Variants in VIT observed in about 807,000 individuals in gnomAD.
VIT encodes the protein vitrin.
VIT carries 99 observed loss-of-function variants against 78.0 expected under a neutral mutation model. The ratio of observed to expected loss-of-function variants is 1.27; its 90% confidence interval spans 1.08 to 1.50. VIT has a LOEUF of 1.50. Among genes scored for constraint, VIT ranks in the 40% most tolerant of loss-of-function variants. VIT has a pLI of 0.00. For synonymous variants in VIT, 374 were observed against 334.3 expected, an observed-to-expected ratio of 1.12 and a Z score of -1.29; for missense variants, 1,126 against 875.3, an observed-to-expected ratio of 1.29 and a Z score of -3.61.
At chr2:36,704,379 T>G (rs943355422) in intron 1 of VIT, among the ~76,000 whole-genome samples, 3 of 152,146 alleles carry the variant, frequency 2.0e-5, no homozygotes, top group African/African-American at 7.2e-5. Flanking sequence ...AAATGATAGT[T>G]ATTACTATGG....
In VIT at chr2:36,814,460, G is replaced by C. The variant is rs1375785637; in HGVS notation, c.*99G>C. The C allele has an allele frequency of 1.4e-6, 2 of 1,387,152 alleles. No homozygotes were observed. The highest frequency in any genetic ancestry group is 2.4e-5 in the East Asian group (1 of 42,484). 85.9% of individuals were successfully genotyped at this position (1,387,152 alleles called of 1,614,324 possible). A position where few individuals can be genotyped will look rare whatever the true frequency, so the allele number is the denominator to read the frequency against. On this transcript the variant is annotated 3_prime_UTR_variant, in exon 16 of 16. Transcript: ENST00000379242. ...GGCACGCACGGTGCATCAAGTCTTG[G>C]GCAGGGCATGGAGAAACAAATGTCT...
intron 3 of VIT, 27 bp from the exon 4 acceptor site, chr2:36,743,073 A>G: frequency 6.2e-7 from 1 of 1,613,208 alleles, no homozygotes; most frequent in Non-Finnish European, 8.5e-7. Context: ...CACAAGGTGT[A>G]ATTTTGACCT....
In VIT at chr2:36,781,750, G is replaced by C; in HGVS notation, c.826G>C (p.Gly276Arg). The C allele has an allele frequency of 6.2e-7, 1 of 1,614,136 alleles. No homozygotes were observed. ...SLGEMDSWKP[G>R]SVLLDEGLVP... The stretch of plus-strand genomic sequence containing the variant: ...AGGAGAGATGGACTCATGGAAACCT[G>C]GATCGGTCCTTTTAGATGAAGGTAA... Residue 276 changes from glycine to arginine, a missense_variant, in exon 10 of 16, where the codon GGA becomes CGA. Physicochemically the swap from Gly to Arg is moderately radical, Grantham distance 125 (BLOSUM62 -2). Transcript: ENST00000379242.
At chr2:36,788,727 T>C (rs933728291) in intron 12 of VIT, among the ~76,000 whole-genome samples, 16 of 152,218 alleles carry the variant, frequency 1.1e-4, no homozygotes, top group African/African-American at 3.9e-4. Flanking sequence ...ATGCCAAATG[T>C]CCTTAGTCAG....
At chr2:36,777,008 G>C (rs1178868659) in intron 9 of VIT, among the ~76,000 whole-genome samples, 3 of 148,322 alleles carry the variant, frequency 2.0e-5, no homozygotes, top group African/African-American at 4.9e-5. Context: ...AGAATGGCAT[G>C]AACCCAGGAG....
chr2:36,801,329 A>G lies in VIT; in HGVS notation c.1087A>G (p.Lys363Glu). Residue 363 changes from lysine (K) to glutamate (E), a missense_variant, in exon 13 of 16, where the codon AAG (lysine) becomes GAG (glutamate). Physicochemically the swap from Lys to Glu is moderately conservative, Grantham distance 56. Coordinates refer to ENST00000379242, the MANE Select transcript of VIT (RefSeq NM_053276.4). Reference protein sequence around the residue: ...GDNPATHFNLKTHTNSRDLKT... With the variant: ...GDNPATHFNLETHTNSRDLKT... ...CAACCCTGCTACTCACTTTAACCTC[A>G]AGACACACACGAATTCTCGAGATCT... 6.2e-7 allele frequency: 1 copy of G among 1,614,116 alleles called. No homozygotes were observed. Among genetic ancestry groups the G allele is most frequent in the Non-Finnish European group, 8.5e-7 (1 of 1,180,014 alleles).
At chr2:36,739,613 T>C (rs1667711378) in intron 3 of VIT, among the ~76,000 whole-genome samples, 1 of 152,170 alleles carries the variant, frequency 6.6e-6, no homozygotes, top group Non-Finnish European at 1.5e-5. Context: ...CTCTTTTCCC[T>C]GTGGCTAGTT....
intron 15 of VIT, among the ~76,000 whole-genome samples, chr2:36,811,868 G>T (rs186124777): frequency 2.1e-4 from 32 of 152,150 alleles, no homozygotes; most frequent in African/African-American, 7.5e-4. Context: ...TGGAGACGGA[G>T]TTTCACCATG....
chr2:36,743,292 A>T (rs952477102), intron 4 of VIT, 36 bp downstream of exon 4: 1 of 1,533,942 alleles, frequency 6.5e-7, no homozygotes, highest in Non-Finnish European at 8.9e-7. Context: ...ACTAACTAGA[A>T]ATCAGGGTGT....
intron 1 of VIT, among the ~76,000 whole-genome samples, chr2:36,698,153 AT>A (rs34933803): frequency 0.94 from 142,828 of 152,106 alleles, 67,809 homozygotes; most frequent in Middle Eastern, 1. Context: ...AAAGACTTGC[AT>A]TTTTTTATTG....
intron 3 of VIT, among the ~76,000 whole-genome samples, chr2:36,735,857 T>C (rs889192940): frequency 5.9e-5 from 9 of 152,174 alleles, no homozygotes; most frequent in Non-Finnish European, 1.0e-4. Flanking sequence ...GAGTGTTGTC[T>C]TTGCGACACA....
intron 6 of VIT, chr2:36,759,654 A>G (rs1315930302): frequency 1.0e-6 from 1 of 990,388 alleles, no homozygotes; most frequent in East Asian, 1.1e-4. Flanking sequence ...TCCCACACAA[A>G]GAGAAACTGT....
Position 36,814,222 on chromosome 2 carries a change from A to C in VIT, c.1943A>C (p.Gln648Pro). Residue 648 changes from glutamine (Q) to proline (P), a missense_variant, in exon 16 of 16, where the codon CAA becomes CCA. Coordinates refer to ENST00000379242, the MANE Select transcript of VIT (RefSeq NM_053276.4). ...GCGATAGGCGTTGCCTGGGCTGCCC[A>C]AGAGGAGCTAGAAGTCATTGCCACT... ...TYAIGVAWAA[Q>P]EELEVIATHP... 1 of 1,614,240 alleles carries C rather than the reference A, an allele frequency of 6.2e-7. No homozygotes were observed. Among genetic ancestry groups the C allele is most frequent in the Non-Finnish European group, 8.5e-7 (1 of 1,180,044 alleles).
chr2:36,781,025 C>A (rs1664712980), intron 9 of VIT, among the ~76,000 whole-genome samples: 1 of 21,620 alleles, frequency 4.6e-5, no homozygotes, highest in South Asian at 9.3e-3. Flanking sequence ...TTCATTAGCA[C>A]CAGTTTGTGG....
chr2:36,807,795 C>G (rs1666836861), intron 14 of VIT, among the ~76,000 whole-genome samples: 1 of 152,188 alleles, frequency 6.6e-6, no homozygotes, highest in Non-Finnish European at 1.5e-5. Flanking sequence ...TGCCTGGAGG[C>G]AGAGTTGTCT....
intron 15 of VIT, among the ~76,000 whole-genome samples, chr2:36,811,670 C>CTTTT (rs1168391003): frequency 7.0e-6 from 1 of 143,322 alleles, no homozygotes; most frequent in African/African-American, 2.5e-5. Context: ...TTCTTTCTTT[C>CTTTT]TTTTTTTTTT....
At chr2:36,707,700 C>T (rs145938156) in intron 1 of VIT, among the ~76,000 whole-genome samples, 32 of 152,272 alleles carry the variant, frequency 2.1e-4, no homozygotes, top group Admixed American at 5.9e-4. Flanking sequence ...CGATGCTCTG[C>T]GTAGGCCACC....
At chr2:36,789,455 C>A (rs1403465968) in intron 12 of VIT, among the ~76,000 whole-genome samples, 1 of 152,120 alleles carries the variant, frequency 6.6e-6, no homozygotes, top group African/African-American at 2.4e-5. Flanking sequence ...GTGGGGTGAT[C>A]AATGACGAAT....
intron 9 of VIT, among the ~76,000 whole-genome samples, chr2:36,780,653 G>A (rs1463023718): frequency 1.3e-5 from 2 of 152,166 alleles, no homozygotes; most frequent in Non-Finnish European, 2.9e-5. Context: ...GTAACAGATT[G>A]CCTTTCAAAA....
Sources: gnomAD v4.1 joint callset for allele counts (sites outside exome capture counted in the v4.1 genomes callset) on GRCh38, gnomAD v4.1.1 for gene constraint, MANE v1.5 for transcripts, NCBI Gene and HGNC (gene_info 2026-07-23, HGNC 2026-07-21) for gene names.